HS6ST3: variants seen among roughly 807,000 people sequenced by gnomAD.
The protein encoded by HS6ST3 is heparan sulfate 6-O-sulfotransferase 3, also known as heparan-sulfate 6-O-sulfotransferase 3.
A neutral mutation model predicts 36.7 loss-of-function variants in HS6ST3; 12 were observed. The observed-to-expected ratio is 0.33, with a 90% confidence interval of 0.21 to 0.53. HS6ST3 has a LOEUF of 0.53. Ranked by LOEUF, HS6ST3 falls within the 20% of genes least tolerant of loss-of-function variation. The pLI is 0.95. For missense variants in HS6ST3, 584 were observed against 640.9 expected, an observed-to-expected ratio of 0.91 and a Z score of 0.96; for synonymous variants, 240 against 257.5, an observed-to-expected ratio of 0.93 and a Z score of 0.65.
rs138960146 is a variant in HS6ST3, at chr13:96,156,372, G to T, written c.707+64803G>T. 4.2e-3 allele frequency among the ~76,000 whole-genome samples: 633 copies of T among 152,284 alleles called. 2 individuals carry two copies. The highest frequency in any genetic ancestry group is 0.015 in the African/African-American group (620 of 41,560). ...TGAGAATGCTGAAAACCCAGATATG[G>T]TTTAGTGAGGCAGGCATTTCTAGGA... On this transcript the variant is annotated intron_variant, in intron 1 of 1. Coordinates refer to ENST00000376705, the MANE Select transcript of HS6ST3 (RefSeq NM_153456.4).
At chr13:96,584,258 C>T (rs1298022323) in intron 1 of HS6ST3, among the ~76,000 whole-genome samples, 1 of 152,160 alleles carries the variant, frequency 6.6e-6, no homozygotes, top group African/African-American at 2.4e-5. Flanking sequence ...ATTCTCCTGC[C>T]TCACCCTCCC....
chr13:96,476,702 G>A (rs1030913813), intron 1 of HS6ST3, among the ~76,000 whole-genome samples: 7 of 152,084 alleles, frequency 4.6e-5, no homozygotes, highest in Admixed American at 1.3e-4. Flanking sequence ...TCTTGTGAAC[G>A]TCGCTTGTGT....
At chr13:96,521,459 G>A (rs554816502) in intron 1 of HS6ST3, among the ~76,000 whole-genome samples, 4 of 152,234 alleles carry the variant, frequency 2.6e-5, no homozygotes, top group African/African-American at 9.6e-5. Context: ...TGTAGAATTC[G>A]GTTGTGAATC....
chr13:96,095,863 G>GT (rs3223622), intron 1 of HS6ST3, among the ~76,000 whole-genome samples: 1 of 140,316 alleles, frequency 7.1e-6, no homozygotes, highest in Non-Finnish European at 1.5e-5. Context: ...TTATATGACT[G>GT]GTGTGTGTGT....
At chr13:96,765,461 T>C (rs1326517316) in intron 1 of HS6ST3, among the ~76,000 whole-genome samples, 1 of 152,206 alleles carries the variant, frequency 6.6e-6, no homozygotes, top group Non-Finnish European at 1.5e-5. Flanking sequence ...TTGGATTAGA[T>C]CAATGTAAGA....
chr13:96,426,108 T>A (rs1323847859), intron 1 of HS6ST3, among the ~76,000 whole-genome samples: 2 of 151,584 alleles, frequency 1.3e-5, no homozygotes, highest in East Asian at 3.9e-4. Flanking sequence ...CAACCTAAAT[T>A]GTATTTTTAA....
At chr13:96,615,499 C>T (rs1206629016) in intron 1 of HS6ST3, among the ~76,000 whole-genome samples, 1 of 152,140 alleles carries the variant, frequency 6.6e-6, no homozygotes, top group East Asian at 1.9e-4. Context: ...AATCTTGGCC[C>T]ATTCATCATC....
At chr13:96,712,803 CA>C (rs1469548679) in intron 1 of HS6ST3, among the ~76,000 whole-genome samples, 3 of 152,134 alleles carry the variant, frequency 2.0e-5, no homozygotes, top group Non-Finnish European at 4.4e-5. Context: ...TTAAAGGACT[CA>C]GTAGGTGTGA....
intron 1 of HS6ST3, among the ~76,000 whole-genome samples, chr13:96,105,987 G>A (rs2053839788): frequency 6.6e-6 from 1 of 152,226 alleles, no homozygotes; most frequent in African/African-American, 2.4e-5. Flanking sequence ...TAATGAACAA[G>A]GCAGGCAGTG....
intron 1 of HS6ST3, among the ~76,000 whole-genome samples, chr13:96,396,882 A>G (rs770801835): frequency 2.0e-5 from 3 of 152,188 alleles, no homozygotes; most frequent in African/African-American, 2.4e-5. Flanking sequence ...TAAAGTAGAT[A>G]AATAGGATCA....
intron 1 of HS6ST3, among the ~76,000 whole-genome samples, chr13:96,108,989 C>T (rs1351901406): frequency 6.6e-6 from 1 of 152,234 alleles, no homozygotes; most frequent in Middle Eastern, 3.4e-3. Flanking sequence ...ATCTCTATCT[C>T]TATCTCTATC....
chr13:96,355,580 C>G (rs1163339759), intron 1 of HS6ST3, among the ~76,000 whole-genome samples: 1 of 152,040 alleles, frequency 6.6e-6, no homozygotes, highest in Non-Finnish European at 1.5e-5. Context: ...TGTATTATGT[C>G]TAAAAATGTA....
At chr13:96,287,677 A>G (rs1194686175) in intron 1 of HS6ST3, among the ~76,000 whole-genome samples, 1 of 152,168 alleles carries the variant, frequency 6.6e-6, no homozygotes, top group Non-Finnish European at 1.5e-5. Flanking sequence ...CTTGCTATTA[A>G]CTTAGTATGT....
intron 1 of HS6ST3, among the ~76,000 whole-genome samples, chr13:96,617,712 C>T (rs547259971): frequency 2.2e-4 from 33 of 152,228 alleles, no homozygotes; most frequent in African/African-American, 7.9e-4. Context: ...GGGTTGGTCC[C>T]GAAGCAGCAG....
chr13:96,662,817 A>G (rs1046220089), intron 1 of HS6ST3, among the ~76,000 whole-genome samples: 1 of 151,734 alleles, frequency 6.6e-6, no homozygotes, highest in Non-Finnish European at 1.5e-5. Flanking sequence ...GTGTGACTTT[A>G]TATTGGTTAG....
At chr13:96,620,759 C>T (rs893694526) in intron 1 of HS6ST3, among the ~76,000 whole-genome samples, 1 of 151,724 alleles carries the variant, frequency 6.6e-6, no homozygotes, top group African/African-American at 2.4e-5. Context: ...AATCTAATTC[C>T]ACAAATGCTT....
At chr13:96,092,194 G>A (rs2053768338) in intron 1 of HS6ST3, among the ~76,000 whole-genome samples, 1 of 152,120 alleles carries the variant, frequency 6.6e-6, no homozygotes, top group Non-Finnish European at 1.5e-5. Context: ...GCCAGGATTT[G>A]GACTCACCTG....
At chr13:96,363,164 G>A (rs1052426142) in intron 1 of HS6ST3, among the ~76,000 whole-genome samples, 2 of 152,054 alleles carry the variant, frequency 1.3e-5, no homozygotes, top group Non-Finnish European at 2.9e-5. Context: ...ACACACGAGT[G>A]CTTGCAAATC....
chr13:96,351,224 G>C (rs1283879081), intron 1 of HS6ST3, among the ~76,000 whole-genome samples: 3 of 151,496 alleles, frequency 2.0e-5, no homozygotes, highest in Non-Finnish European at 4.4e-5. Context: ...CTGAAAGCAA[G>C]GTTTAATTTG....
Sources: allele counts gnomAD v4.1 joint callset (sites outside exome capture counted in the v4.1 genomes callset), GRCh38; gene constraint gnomAD v4.1.1; transcripts MANE v1.5; gene names NCBI Gene and HGNC (gene_info 2026-07-23, HGNC 2026-07-21).